Variants in SWT1 observed in about 807,000 individuals in gnomAD.
SWT1 encodes the protein transcriptional protein SWT1.
Under a neutral mutation model 107.3 loss-of-function variants are expected in SWT1, and 33 were observed. That is an observed-to-expected ratio of 0.31 (90% CI 0.23 to 0.41). SWT1 has a LOEUF of 0.41. SWT1 is among the 10% of genes least tolerant of loss of function. The pLI, the probability that SWT1 is intolerant of heterozygous loss-of-function variation, is 1.00. For missense variants in SWT1, 898 were observed against 1,028.9 expected (o/e 0.87, Z 1.74); for synonymous variants, 345 against 348.3 (o/e 0.99, Z 0.11).
chr1:185,239,629 A>T (rs10494582), intron 16 of SWT1, among the ~76,000 whole-genome samples: 1 of 152,056 alleles, frequency 6.6e-6, no homozygotes, highest in African/African-American at 2.4e-5. Flanking sequence ...TTTTATATGT[A>T]TACAGGATTA....
At chr1:185,264,955 AATG>A (rs1212357010) in intron 16 of SWT1, among the ~76,000 whole-genome samples, 6 of 152,188 alleles carry the variant, frequency 3.9e-5, no homozygotes, top group South Asian at 2.1e-4. Context: ...TAACAATCAA[AATG>A]ATATTTTCCT....
At chr1:185,185,878 T>C (rs147170376) in intron 9 of SWT1, among the ~76,000 whole-genome samples, 2 of 152,290 alleles carry the variant, frequency 1.3e-5, no homozygotes, top group African/African-American at 4.8e-5. Context: ...ATAATGCTTA[T>C]GAATTTTGAG....
chr1:185,271,099 G>A lies in SWT1; in HGVS notation c.2442-224G>A, dbSNP rs952248638. Among the ~76,000 whole-genome samples, 5 of 152,188 alleles carry A rather than the reference G, an allele frequency of 3.3e-5. No individual in the cohort carries two copies. The South Asian group carries it at 8.3e-4, about 25-fold the overall frequency. ...AGTTGTTGATTAATTGATGTTATAAGCATGAATTTAAATAAGCAAAAACAT... is the reference window on the plus strand; with the variant it reads ...AGTTGTTGATTAATTGATGTTATAAACATGAATTTAAATAAGCAAAAACAT... On this transcript the variant is annotated intron_variant, in intron 16 of 18. Coordinates refer to ENST00000367500, the MANE Select transcript of SWT1 (RefSeq NM_017673.7).
intron 10 of SWT1, among the ~76,000 whole-genome samples, chr1:185,191,695 A>G (rs1461706924): frequency 2.0e-5 from 3 of 152,192 alleles, no homozygotes; most frequent in Non-Finnish European, 4.4e-5. Context: ...TGAAGGCTGA[A>G]ATAGAATTAA....
At chr1:185,252,206 A>G (rs1361678878) in intron 16 of SWT1, among the ~76,000 whole-genome samples, 1 of 152,058 alleles carries the variant, frequency 6.6e-6, no homozygotes, top group Non-Finnish European at 1.5e-5. Context: ...GTTGGTTCCA[A>G]GTCTTTGCTA....
At chr1:185,208,308 TG>T (rs1469752554) in intron 13 of SWT1, among the ~76,000 whole-genome samples, 1 of 152,176 alleles carries the variant, frequency 6.6e-6, no homozygotes, top group Non-Finnish European at 1.5e-5. Context: ...GAAAATGAGT[TG>T]TTCTCAGAGG....
At chr1:185,199,450 A>G (rs898495573) in intron 10 of SWT1, among the ~76,000 whole-genome samples, 2 of 152,114 alleles carry the variant, frequency 1.3e-5, no homozygotes, top group Non-Finnish European at 2.9e-5. Flanking sequence ...CCTGGTGGTG[A>G]CAGAATCTCA....
chr1:185,172,048 C>T (rs1655119084), intron 4 of SWT1, among the ~76,000 whole-genome samples: 1 of 152,210 alleles, frequency 6.6e-6, no homozygotes, highest in Non-Finnish European at 1.5e-5. Flanking sequence ...GTCTCTCTTG[C>T]TGGGCTGTAA....
chr1:185,216,643 C>T (rs1426742543), intron 14 of SWT1, among the ~76,000 whole-genome samples: 4 of 151,948 alleles, frequency 2.6e-5, no homozygotes, highest in African/African-American at 9.7e-5. Context: ...TATATGTTGC[C>T]CATTGCATAC....
At chr1:185,237,499 A>T (rs1660972527) in intron 16 of SWT1, among the ~76,000 whole-genome samples, 1 of 152,274 alleles carries the variant, frequency 6.6e-6, no homozygotes, top group South Asian at 2.1e-4. Context: ...GGAATTTAAC[A>T]GTGAGAATAC....
intron 3 of SWT1, among the ~76,000 whole-genome samples, chr1:185,168,110 C>G (rs895444072): frequency 6.6e-6 from 1 of 152,138 alleles, no homozygotes; most frequent in African/African-American, 2.4e-5. Flanking sequence ...TCAGACAGAT[C>G]TATTTACAGA....
intron 10 of SWT1, among the ~76,000 whole-genome samples, chr1:185,193,034 C>T (rs1317394712): frequency 6.6e-6 from 1 of 152,182 alleles, no homozygotes; most frequent in Non-Finnish European, 1.5e-5. Flanking sequence ...ACCGCTATAA[C>T]TGTCCTCTAA....
At chr1:185,215,974 C>T (rs1659187260) in intron 14 of SWT1, among the ~76,000 whole-genome samples, 1 of 152,038 alleles carries the variant, frequency 6.6e-6, no homozygotes, top group African/African-American at 2.4e-5. Context: ...TCTTTTTTCT[C>T]TGAGGAACTG....
intron 16 of SWT1, among the ~76,000 whole-genome samples, chr1:185,238,128 A>G (rs1293318206): frequency 6.6e-6 from 1 of 152,042 alleles, no homozygotes; most frequent in African/African-American, 2.4e-5. Flanking sequence ...CTGGGACTAC[A>G]GGTACATGCC....
At position 185,214,634 on chromosome 1, in the gene SWT1, C is replaced by A. The variant is rs767619526; in HGVS notation, c.2100C>A (p.Asn700Lys). ...CACAGACCTTTGCTCAAGTAAACAA[C>A]CTCCTTCAGACATTTGCAGAGGTAA... ...ILPQTFAQVN[N>K]LLQTFAEVKT... is the part of the protein sequence containing the mutation. The change falls in exon 14 of 19, where the codon AAC (asparagine) becomes AAA (lysine). Residue 700 changes from asparagine to lysine, a missense_variant. This residue lies in a region of SWT1 where 382 missense variants were observed against 460.0 expected (regional missense o/e 0.83). Transcript: ENST00000367500. 2 of 1,610,316 alleles carry A rather than the reference C, an allele frequency of 1.2e-6. No homozygotes were observed. The highest frequency in any genetic ancestry group is 1.7e-5 in the Admixed American group (1 of 59,384).
chr1:185,268,193 A>G (rs536626514), intron 16 of SWT1, among the ~76,000 whole-genome samples: 1 of 152,360 alleles, frequency 6.6e-6, no homozygotes, highest in East Asian at 1.9e-4. Flanking sequence ...AAAAAGTAAC[A>G]TATATAGTTT....
intron 16 of SWT1, among the ~76,000 whole-genome samples, chr1:185,252,793 C>T (rs1412764010): frequency 1.3e-5 from 2 of 151,964 alleles, no homozygotes; most frequent in African/African-American, 2.4e-5. Flanking sequence ...TTAATTAGAT[C>T]CCATTTGTCA....
chr1:185,262,284 C>T (rs781570564), intron 16 of SWT1: 20 of 152,162 alleles, frequency 1.3e-4, no homozygotes, highest in Non-Finnish European at 2.8e-4. Context: ...AAAATGAACC[C>T]GTTTGTCATA....
intron 2 of SWT1, among the ~76,000 whole-genome samples, chr1:185,166,080 T>A (rs1303240916): frequency 6.6e-6 from 1 of 152,252 alleles, no homozygotes; most frequent in East Asian, 1.9e-4. Flanking sequence ...CTAAATATAT[T>A]ACTTGTTTAT....
Sources: gnomAD v4.1 joint callset for allele counts (sites outside exome capture counted in the v4.1 genomes callset) on GRCh38, gnomAD v4.1.1 for gene constraint, gnomAD v4.1.1 regional missense constraint, MANE v1.5 for transcripts, NCBI Gene and HGNC (gene_info 2026-07-23, HGNC 2026-07-21) for gene names.